The following C12orf54 variants were observed in gnomAD, a reference collection of about 807,000 sequenced individuals.
C12orf54 encodes the protein chromosome 12 open reading frame 54.
Under a neutral mutation model 26.4 loss-of-function variants are expected in C12orf54, and 24 were observed. The observed-to-expected ratio is 0.91, with a 90% CI of 0.66 to 1.28. The LOEUF (loss-of-function observed/expected upper bound fraction) is 1.28. Ranked by LOEUF, C12orf54 falls within the 50% of genes most tolerant of loss-of-function variation. The pLI, the probability that C12orf54 is intolerant of heterozygous loss-of-function variation, is 0.00. For synonymous variants in C12orf54, 54 were observed against 47.0 expected (o/e 1.15, Z -0.61); for missense variants, 154 against 150.9 (o/e 1.02, Z -0.11).
At chr12:48,462,390 G>A in the C12orf54 span, among the ~76,000 whole-genome samples, 146 of 151,584 alleles carry the variant, frequency 9.6e-4, no homozygotes, top group Middle Eastern at 0.021. Flanking sequence ...AATTAATTTT[G>A]TGATGCCAAC....
intron 1 of C12orf54, 28 bp from the exon 2 acceptor site, chr12:48,483,212 C>A: frequency 1.7e-6 from 2 of 1,202,548 alleles, no homozygotes; most frequent in Non-Finnish European, 1.2e-6. Flanking sequence ...TACCTGCCTT[C>A]TCCGCATATT....
At chr12:48,416,887 G>A in the C12orf54 span, among the ~76,000 whole-genome samples, 2 of 151,866 alleles carry the variant, frequency 1.3e-5, no homozygotes, top group Non-Finnish European at 2.9e-5. Flanking sequence ...GAGATGATTA[G>A]GCTCTACCCT....
intron 7 of C12orf54, among the ~76,000 whole-genome samples, chr12:48,494,037 A>ATG (rs1937854103): frequency 9.3e-6 from 1 of 108,070 alleles, no homozygotes; most frequent in African/African-American, 3.6e-5. Flanking sequence ...TGACCAACAC[A>ATG]GTGAAACCCC....
intron 6 of C12orf54, among the ~76,000 whole-genome samples, chr12:48,491,843 AC>A (rs1202187541): frequency 6.6e-6 from 1 of 152,112 alleles, no homozygotes; most frequent in African/African-American, 2.4e-5. Flanking sequence ...TATACAAATC[AC>A]CTGGGTCCCT....
chr12:48,474,282 G>A, the C12orf54 span, among the ~76,000 whole-genome samples: 1 of 152,176 alleles, frequency 6.6e-6, no homozygotes, highest in African/African-American at 2.4e-5. Flanking sequence ...TGGCCGAATG[G>A]GAACAGCTCT....
At chr12:48,414,940 C>T in the C12orf54 span, among the ~76,000 whole-genome samples, 43 of 152,298 alleles carry the variant, frequency 2.8e-4, no homozygotes, top group East Asian at 7.3e-3. Flanking sequence ...AACAGCTAAG[C>T]CTTCCTTCTA....
At chr12:48,487,029 G>A (rs1311664897) in intron 4 of C12orf54, among the ~76,000 whole-genome samples, 7 of 152,148 alleles carry the variant, frequency 4.6e-5, no homozygotes, top group African/African-American at 1.7e-4. Flanking sequence ...TGAAAGCACA[G>A]GTTTGGCCTT....
intron 7 of C12orf54, among the ~76,000 whole-genome samples, chr12:48,494,314 C>T (rs1307577116): frequency 6.6e-6 from 1 of 151,972 alleles, no homozygotes; most frequent in African/African-American, 2.4e-5. Flanking sequence ...GAATTTGTCC[C>T]TATCTCAGAA....
chr12:48,429,400 A>G, the C12orf54 span, among the ~76,000 whole-genome samples: 7 of 152,190 alleles, frequency 4.6e-5, no homozygotes, highest in South Asian at 1.2e-3. Flanking sequence ...TGACGATATG[A>G]CTGTTTACCT....
At chr12:48,486,416 A>G (rs902504055) in intron 3 of C12orf54, 2 of 628,524 alleles carry the variant, frequency 3.2e-6, no homozygotes, top group Non-Finnish European at 5.6e-6. Flanking sequence ...CTAAAGGGGC[A>G]GGCAGGCTTA....
intron 7 of C12orf54, 53 bp from the exon 8 acceptor site, chr12:48,494,745 A>G (rs748374165): frequency 2.4e-5 from 38 of 1,569,922 alleles, no homozygotes; most frequent in Non-Finnish European, 3.1e-5. Flanking sequence ...AAGGGAACTG[A>G]AAGGGTAAGA....
chr12:48,491,575 AGACAGC>A (rs1209629466), intron 6 of C12orf54, among the ~76,000 whole-genome samples: 1 of 152,180 alleles, frequency 6.6e-6, no homozygotes, highest in African/African-American at 2.4e-5. Context: ...TTGTCTGTAA[AGACAGC>A]AAGTACAGAA....
chr12:48,451,700 G>A, the C12orf54 span, among the ~76,000 whole-genome samples: 6 of 152,026 alleles, frequency 3.9e-5, no homozygotes, highest in African/African-American at 1.5e-4. Context: ...ACCAACAACA[G>A]GCAAGCCAAC....
chr12:48,426,459 C>T, the C12orf54 span, among the ~76,000 whole-genome samples: 1 of 152,100 alleles, frequency 6.6e-6, no homozygotes. Flanking sequence ...TTTTTAATAA[C>T]AGTACCATGT....
Position 48,483,594 on chromosome 12 carries a change from G to A in C12orf54, c.65+233G>A, listed in dbSNP as rs189926353. 4.3e-5 allele frequency: 20 copies of A among 468,168 alleles called. No homozygotes were observed. The Admixed American group carries it at 6.7e-4, about 16-fold the overall frequency. The allele number at this position is 468,168 out of a possible 1,614,324, so 29.0% of individuals were successfully genotyped here. On this transcript the variant is annotated intron_variant, in intron 2 of 8. Coordinates refer to ENST00000548364, the MANE Select transcript of C12orf54 (RefSeq NM_152319.4). ...CAGGCATCAATTGCAATTCCTCTAG[G>A]GGTTGGCGGGGTATACAAACTAGGG...
At chr12:48,484,362 C>T (rs1053034680) in intron 2 of C12orf54, among the ~76,000 whole-genome samples, 5 of 152,162 alleles carry the variant, frequency 3.3e-5, no homozygotes, top group African/African-American at 7.2e-5. Context: ...TATGAATTCT[C>T]TTCCAGACAG....
At chr12:48,456,129 G>A in the C12orf54 span, among the ~76,000 whole-genome samples, 6 of 152,094 alleles carry the variant, frequency 3.9e-5, no homozygotes, top group Non-Finnish European at 8.8e-5. Context: ...ATATCTCAAC[G>A]AAGTAGGGAA....
chr12:48,465,571 C>A, the C12orf54 span, among the ~76,000 whole-genome samples: 1 of 152,026 alleles, frequency 6.6e-6, no homozygotes. Flanking sequence ...GGGTATATAA[C>A]CAAAGGAATA....
At chr12:48,469,811 G>T in the C12orf54 span, among the ~76,000 whole-genome samples, 1 of 152,138 alleles carries the variant, frequency 6.6e-6, no homozygotes, top group Non-Finnish European at 1.5e-5. Context: ...GTTTCAGCCA[G>T]TCCCTCTGTT....
Sources: gnomAD v4.1 joint callset for allele counts (sites outside exome capture counted in the v4.1 genomes callset) on GRCh38, gnomAD v4.1.1 for gene constraint, MANE v1.5 for transcripts, NCBI Gene and HGNC (gene_info 2026-07-23, HGNC 2026-07-21) for gene names.